Variants in MKX observed in about 807,000 individuals in gnomAD.
MKX encodes homeobox protein Mohawk.
In MKX, 13 loss-of-function variants were observed where a neutral mutation model predicts 36.0. That is an observed-to-expected ratio of 0.36 (90% CI 0.24 to 0.57). The LOEUF is 0.57. Among genes scored for constraint, MKX ranks in the 20% least tolerant of loss-of-function variants. The pLI is 0.79. For missense variants in MKX, 458 were observed against 456.4 expected (o/e 1.00, Z -0.03); for synonymous variants, 176 against 178.3 (o/e 0.99, Z 0.10).
At chr10:27,676,368 TTTTTTCTTTTTC>T (rs1316481709) in intron 5 of MKX, among the ~76,000 whole-genome samples, 1 of 150,680 alleles carries the variant, frequency 6.6e-6, no homozygotes, top group African/African-American at 2.5e-5. Flanking sequence ...TCAAATTTTC[TTTTTTCTTTTTC>T]TTTTTTTTTT....
rs1192318238 is a variant in MKX at position 27,732,256 on chromosome 10, T to C, written c.838+2200A>G. On this transcript the variant is annotated intron_variant, in intron 5 of 6. Coordinates refer to ENST00000419761, the MANE Select transcript of MKX (RefSeq NM_173576.3). ...CGAGCATTAATTACTTCTTCAAAGT[T>C]TGAAAAGAAATGGATGTATTAAGTC... Among the ~76,000 whole-genome samples, 18 of 152,290 alleles carry C rather than the reference T, an allele frequency of 1.2e-4. No individual in the cohort carries two copies. In the East Asian group the frequency reaches 3.3e-3, roughly 28 times the overall value.
At chr10:27,718,332 A>G (rs966820391) in intron 5 of MKX, among the ~76,000 whole-genome samples, 2 of 152,240 alleles carry the variant, frequency 1.3e-5, no homozygotes, top group African/African-American at 4.8e-5. Context: ...TGTTTTCAAA[A>G]TATGATAATC....
chr10:27,729,454 T>C (rs1834572814), intron 5 of MKX, among the ~76,000 whole-genome samples: 1 of 151,842 alleles, frequency 6.6e-6, no homozygotes, highest in Non-Finnish European at 1.5e-5. Flanking sequence ...ACAGGCGCGC[T>C]CCACCATGCC....
At chr10:27,687,009 C>CTCTTT (rs1554769596) in intron 5 of MKX, among the ~76,000 whole-genome samples, 1 of 62,770 alleles carries the variant, frequency 1.6e-5, no homozygotes. Flanking sequence ...ACACCTCTCT[C>CTCTTT]TTTTTTTTTT....
At chr10:27,696,932 A>G (rs1462944259) in intron 5 of MKX, among the ~76,000 whole-genome samples, 1 of 152,196 alleles carries the variant, frequency 6.6e-6, no homozygotes, top group Non-Finnish European at 1.5e-5. Flanking sequence ...ATCTGTTGGT[A>G]AGAATTTTCT....
chr10:27,715,868 G>T (rs147439693), intron 5 of MKX, among the ~76,000 whole-genome samples: 64 of 151,772 alleles, frequency 4.2e-4, no homozygotes, highest in African/African-American at 1.3e-3. Flanking sequence ...TGGGCTGGGG[G>T]CTGGGCATAG....
At chr10:27,734,350 G>A (rs1834700147) in intron 5 of MKX, 106 bp downstream of exon 5, 1 of 1,022,608 alleles carries the variant, frequency 9.8e-7, no homozygotes, top group African/African-American at 1.6e-5. Flanking sequence ...GGCAATATGT[G>A]AATAATCTGA....
At chr10:27,686,473 AG>A (rs1257253779) in intron 5 of MKX, among the ~76,000 whole-genome samples, 16 of 151,914 alleles carry the variant, frequency 1.1e-4, no homozygotes, top group African/African-American at 3.6e-4. Flanking sequence ...AGAGAAGAGA[AG>A]AGAAAAGTCT....
chr10:27,723,820 T>A (rs1291423320), intron 5 of MKX, among the ~76,000 whole-genome samples: 3 of 152,188 alleles, frequency 2.0e-5, no homozygotes, highest in Non-Finnish European at 4.4e-5. Context: ...ATGACTGTCT[T>A]GGCAGAACAG....
At chr10:27,708,158 T>C (rs996746683) in intron 5 of MKX, among the ~76,000 whole-genome samples, 1 of 152,214 alleles carries the variant, frequency 6.6e-6, no homozygotes, top group Non-Finnish European at 1.5e-5. Flanking sequence ...TTGAAATATT[T>C]AACAGCCAGT....
intron 5 of MKX, among the ~76,000 whole-genome samples, chr10:27,686,208 G>A (rs1836344558): frequency 6.6e-6 from 1 of 152,046 alleles, no homozygotes; most frequent in Admixed American, 6.6e-5. Flanking sequence ...AATAATAAAT[G>A]AATAAAATGA....
chr10:27,695,345 G>A (rs974335537), intron 5 of MKX, among the ~76,000 whole-genome samples: 2 of 151,926 alleles, frequency 1.3e-5, no homozygotes, highest in East Asian at 1.9e-4. Flanking sequence ...AGCCACTGTC[G>A]CAGGCCTCTG....
chr10:27,714,498 T>C (rs981466590), intron 5 of MKX, among the ~76,000 whole-genome samples: 4 of 152,200 alleles, frequency 2.6e-5, no homozygotes, highest in African/African-American at 4.8e-5. Flanking sequence ...GAGTATGTAC[T>C]CCCTCATCAA....
intron 5 of MKX, among the ~76,000 whole-genome samples, chr10:27,696,301 G>A (rs2815568): frequency 5.9e-5 from 9 of 152,022 alleles, no homozygotes; most frequent in South Asian, 2.1e-4. Context: ...TGGTACTCTC[G>A]TGAAAATTAG....
At chr10:27,688,810 G>A (rs1358768122) in intron 5 of MKX, among the ~76,000 whole-genome samples, 1 of 152,128 alleles carries the variant, frequency 6.6e-6, no homozygotes, top group Non-Finnish European at 1.5e-5. Flanking sequence ...TAGCCCAAGG[G>A]TTATTTCTCC....
chr10:27,729,440 G>T (rs1000563099), intron 5 of MKX, among the ~76,000 whole-genome samples: 1 of 152,000 alleles, frequency 6.6e-6, no homozygotes, highest in African/African-American at 2.4e-5. Flanking sequence ...TAGTAGCTGG[G>T]ATCACAGGCG....
chr10:27,685,228 G>C (rs554633237), intron 5 of MKX, among the ~76,000 whole-genome samples: 4 of 21,886 alleles, frequency 1.8e-4, no homozygotes, highest in African/African-American at 3.5e-4. Flanking sequence ...AAGGCTTAAT[G>C]CATTGTATAT....
chr10:27,703,310 A>G (rs1262714140), intron 5 of MKX, among the ~76,000 whole-genome samples: 1 of 152,212 alleles, frequency 6.6e-6, no homozygotes, highest in Admixed American at 6.5e-5. Context: ...TTCATTTTAT[A>G]GAGATGAATG....
intron 5 of MKX, among the ~76,000 whole-genome samples, chr10:27,716,424 A>G (rs1337994738): frequency 3.6e-5 from 4 of 110,656 alleles, no homozygotes; most frequent in Non-Finnish European, 5.7e-5. Flanking sequence ...CTCTGTCTCA[A>G]AAAAAAAAAA....
Sources: allele counts gnomAD v4.1 joint callset (sites outside exome capture counted in the v4.1 genomes callset), GRCh38; gene constraint gnomAD v4.1.1; transcripts MANE v1.5; gene names NCBI Gene and HGNC (gene_info 2026-07-23, HGNC 2026-07-21).